Variants in GCLC observed in about 807,000 individuals in gnomAD.
GCLC encodes the protein glutamate--cysteine ligase catalytic subunit.
A neutral mutation model predicts 81.5 loss-of-function variants in GCLC; 30 were observed. That is an observed-to-expected ratio of 0.37 (90% CI 0.28 to 0.50). The LOEUF is 0.50. Ranked by LOEUF, GCLC falls within the 20% of genes least tolerant of loss-of-function variation. The probability of loss-of-function intolerance (pLI) is 0.96; values close to 1 mark genes in which losing one functional copy is unlikely to be tolerated. For missense variants in GCLC, 556 were observed against 777.4 expected (o/e 0.72, Z 3.39); for synonymous variants, 262 against 273.3 (o/e 0.96, Z 0.41).
intron 4 of GCLC, 56 bp downstream of exon 4, chr6:53,516,053 C>T: frequency 1.0e-6 from 1 of 1,002,744 alleles, no homozygotes. Flanking sequence ...ACTATACTCT[C>T]AGAAGTCAGG....
chr6:53,509,477 C>T, intron 6 of GCLC: 2 of 591,666 alleles, frequency 3.4e-6, no homozygotes, highest in Non-Finnish European at 3.0e-6. Context: ...TATAAATAAC[C>T]AAGGTCCTAA....
rs1407926068 is a variant in GCLC at position 53,506,721 on chromosome 6, G to A, written c.1197+192C>T. On this transcript the variant is annotated intron_variant, in intron 10 of 15. Coordinates refer to ENST00000650454, the MANE Select transcript of GCLC (RefSeq NM_001498.4). This position sits in a 1 kb window ranked among gnomAD's most constrained non-coding sequence, Gnocchi z 4.0. ...TCGTAAAATAAGAGTACTTGAAACC[G>A]ATTTTTTATTTGTCCAAGTTCTTTA... 9 of 570,996 alleles carry A rather than the reference G, an allele frequency of 1.6e-5. No homozygotes were observed. The highest frequency in any genetic ancestry group is 6.5e-5 in the South Asian group (3 of 45,808). 35.4% of individuals were successfully genotyped at this position (570,996 alleles called of 1,614,324 possible).
rs1333355697 is a variant in GCLC at position 53,506,061 on chromosome 6, T to C, written c.1198-166A>G. ...AAGATTTTCTTCGAGTGTGCTCTTT[T>C]AGGAAAACAAAACAGCCAAGTGTTT... is the stretch of plus-strand genomic sequence containing the variant. On this transcript the variant is annotated intron_variant, in intron 10 of 15. Coordinates refer to ENST00000650454, the MANE Select transcript of GCLC (RefSeq NM_001498.4). The surrounding 1 kb of genome is among the most constrained non-coding windows in gnomAD (Gnocchi z 4.0). 6.3e-6 allele frequency: 4 copies of C among 636,208 alleles called. No individual in the cohort carries two copies. The highest frequency in any genetic ancestry group is 1.1e-5 in the Non-Finnish European group (4 of 348,546). The allele number at this position is 636,208 out of a possible 1,614,324, so 39.4% of individuals were successfully genotyped here. A position where few individuals can be genotyped will look rare whatever the true frequency, so the allele number is the denominator to read the frequency against.
Position 53,505,786 on chromosome 6 carries a change from T to A in GCLC, c.1290+17A>T. 2 of 1,423,350 alleles carry A rather than the reference T, an allele frequency of 1.4e-6. No homozygotes were observed. The highest frequency in any genetic ancestry group is 2.0e-6 in the Non-Finnish European group (2 of 1,005,678). 88.2% of individuals were successfully genotyped at this position (1,423,350 alleles called of 1,614,324 possible). A position where few individuals can be genotyped will look rare whatever the true frequency, so the allele number is the denominator to read the frequency against. On this transcript the variant is annotated intron_variant, in intron 11 of 15. Transcript: ENST00000650454. ...AGAGTACTTTTGAGTCAGTTCTTGC[T>A]GATGCATGTGTCTTACCTCCATGGG... is the stretch of plus-strand genomic sequence containing the variant.
intron 15 of GCLC, 100 bp downstream of exon 15, chr6:53,499,944 TG>T: frequency 3.5e-6 from 3 of 846,634 alleles, no homozygotes; most frequent in Middle Eastern, 5.8e-4. Context: ...AAACTGTGCA[TG>T]AATACAGCAT....
chr6:53,529,932 C>T (rs1360385437), intron 1 of GCLC, among the ~76,000 whole-genome samples: 1 of 152,210 alleles, frequency 6.6e-6, no homozygotes, highest in East Asian at 1.9e-4. Flanking sequence ...CCGCTCAGGG[C>T]CTGATACACT....
At chr6:53,511,588 T>C (rs1342202113) in intron 6 of GCLC, among the ~76,000 whole-genome samples, 1 of 152,172 alleles carries the variant, frequency 6.6e-6, no homozygotes, top group Non-Finnish European at 1.5e-5. Flanking sequence ...TTAGTTATTT[T>C]AAATGCATTT....
chr6:53,540,379 A>G (rs1397235945), intron 1 of GCLC, among the ~76,000 whole-genome samples: 1 of 151,814 alleles, frequency 6.6e-6, no homozygotes, highest in Non-Finnish European at 1.5e-5. Flanking sequence ...ATGACCCTTG[A>G]GGACATTATG....
chr6:53,516,302 G>A (rs759163716), intron 3 of GCLC, 80 bp from the exon 4 acceptor site: 2 of 870,740 alleles, frequency 2.3e-6, no homozygotes, highest in Non-Finnish European at 3.9e-6. Context: ...CACTGCACCT[G>A]CCAAAGACAC....
At chr6:53,529,578 TAAAG>T (rs980302636) in intron 1 of GCLC, among the ~76,000 whole-genome samples, 4 of 152,214 alleles carry the variant, frequency 2.6e-5, no homozygotes, top group Non-Finnish European at 4.4e-5. Context: ...CATTTTCTCT[TAAAG>T]AAACAACATT....
At chr6:53,500,592 G>T (rs1484140069) in intron 12 of GCLC, 79 bp from the exon 13 acceptor site, 3 of 974,644 alleles carry the variant, frequency 3.1e-6, no homozygotes, top group Non-Finnish European at 3.3e-6. Context: ...CCTCACCTTT[G>T]CAATTAGGAC....
In GCLC at chr6:53,520,886, G is replaced by A; in HGVS notation, c.338C>T (p.Thr113Ile). Residue 113 changes from threonine (T) to isoleucine (I), a missense_variant, in exon 3 of 16, where the codon ACA becomes ATA. Physicochemically the swap from Thr to Ile is moderately conservative, Grantham distance 89. Coordinates refer to ENST00000650454, the MANE Select transcript of GCLC (RefSeq NM_001498.4). ...CTCAACTGTATTGAACTCGGACATT[G>A]TTCCTCCGTAGGGCTGTCCTGGTGT... ...EGTPGQPYGG[T>I]MSEFNTVEAN... 6.2e-7 allele frequency: 1 copy of A among 1,613,796 alleles called. No homozygotes were observed. The highest frequency in any genetic ancestry group is 8.5e-7 in the Non-Finnish European group (1 of 1,179,666).
At chr6:53,505,993 T>C in intron 10 of GCLC, 98 bp from the exon 11 acceptor site, 1 of 770,782 alleles carries the variant, frequency 1.3e-6, no homozygotes, top group South Asian at 1.4e-5. Flanking sequence ...CTGCTCACTG[T>C]CCATACCAAA....
intron 12 of GCLC, chr6:53,500,812 C>A (rs1764496421): frequency 6.8e-6 from 3 of 442,548 alleles, no homozygotes; most frequent in South Asian, 6.3e-5. Flanking sequence ...AGCCTTGCAA[C>A]AGATATACAG....
chr6:53,500,277 G>C lies in GCLC; in HGVS notation c.1551C>G (p.Leu517=), dbSNP rs749094642. 1 of 1,614,168 alleles carries C rather than the reference G, an allele frequency of 6.2e-7. No individual in the cohort carries two copies. Among genetic ancestry groups the C allele is most frequent in the Admixed American group, 1.7e-5 (1 of 60,028 alleles). ...CATTGATGATGGTGTCTATGCTCAT[G>C]AGGGTGTACTCCTCTGCAGCGAGCT... ...STELAAEEYT[L]MSIDTIINGK... Residue 517 remains leucine (L), a synonymous_variant, in exon 14 of 16, where the codon CTC becomes CTG. Coordinates refer to ENST00000650454, the MANE Select transcript of GCLC (RefSeq NM_001498.4).
intron 1 of GCLC, among the ~76,000 whole-genome samples, chr6:53,531,325 A>G (rs992814216): frequency 2.0e-5 from 3 of 152,192 alleles, no homozygotes; most frequent in African/African-American, 7.2e-5. Context: ...ACTCATGGGA[A>G]GGGAACTGCT....
Position 53,541,453 on chromosome 6 carries a change from T to C in GCLC, c.150+3043A>G, listed in dbSNP as rs534084. 3.2e-3 allele frequency among the ~76,000 whole-genome samples: 493 copies of C among 152,322 alleles called. 4 individuals carry two copies. The highest frequency in any genetic ancestry group is 0.011 in the African/African-American group (476 of 41,572). Reference sequence around the variant, plus strand: ...TGTCAACACTTCAGGGCAGGAATGTTATTCTTCTCAAAAATTCTATACTCC... The same window carrying C: ...TGTCAACACTTCAGGGCAGGAATGTCATTCTTCTCAAAAATTCTATACTCC... On this transcript the variant is annotated intron_variant, in intron 1 of 15. Coordinates refer to ENST00000650454, the MANE Select transcript of GCLC (RefSeq NM_001498.4).
chr6:53,498,612 A>G lies in GCLC; in HGVS notation c.*144T>C. The G allele has an allele frequency of 1.4e-6, 1 of 693,300 alleles. No individual in the cohort carries two copies. Among genetic ancestry groups the G allele is most frequent in the Non-Finnish European group, 2.6e-6 (1 of 377,846 alleles). 42.9% of individuals were successfully genotyped at this position (693,300 alleles called of 1,614,324 possible). ...TAAACTCTAGATTTACCTACCAAAG[A>G]AAGCCTTAATCAATTTCTGGCTCAC... is the stretch of plus-strand genomic sequence containing the variant. On this transcript the variant is annotated 3_prime_UTR_variant, in exon 16 of 16. Coordinates refer to ENST00000650454, the MANE Select transcript of GCLC (RefSeq NM_001498.4).
chr6:53,514,532 C>T, intron 4 of GCLC, 35 bp from the exon 5 acceptor site: 1 of 1,463,498 alleles, frequency 6.8e-7, no homozygotes, highest in Non-Finnish European at 9.6e-7. Flanking sequence ...AAATTGGTCA[C>T]CTAAGAGTCA....
Sources: allele counts gnomAD v4.1 joint callset (sites outside exome capture counted in the v4.1 genomes callset), GRCh38; gene constraint gnomAD v4.1.1; non-coding constraint Gnocchi (gnomAD v3.1); transcripts MANE v1.5; gene names NCBI Gene and HGNC (gene_info 2026-07-23, HGNC 2026-07-21).